The following RAB27A variants were observed in gnomAD, a reference collection of about 807,000 sequenced individuals.
RAB27A encodes the protein ras-related protein Rab-27A.
Under a neutral mutation model 20.8 loss-of-function variants are expected in RAB27A, and 17 were observed. The ratio of observed to expected loss-of-function variants is 0.82; its 90% CI spans 0.56 to 1.23. The LOEUF is 1.23. RAB27A is among the 50% of genes most tolerant of loss of function. The pLI is 0.00. For missense variants in RAB27A, 277 were observed against 266.7 expected, an observed-to-expected ratio of 1.04 and a Z score of -0.27; for synonymous variants, 85 against 92.8, an observed-to-expected ratio of 0.92 and a Z score of 0.48.
intron 2 of RAB27A, among the ~76,000 whole-genome samples, chr15:55,311,545 G>A (rs770667173): frequency 6.6e-6 from 1 of 152,090 alleles, no homozygotes; most frequent in Non-Finnish European, 1.5e-5. Flanking sequence ...GCTTCCCGTA[G>A]GGCATAAATC....
chr15:55,234,639 G>A, intron 3 of RAB27A, 143 bp downstream of exon 3: 1 of 882,596 alleles, frequency 1.1e-6, no homozygotes, highest in South Asian at 1.5e-5. Context: ...CATGTTGCCT[G>A]GATTGAACAT....
chr15:55,308,172 G>A (rs1429860533), intron 2 of RAB27A, among the ~76,000 whole-genome samples: 1 of 152,128 alleles, frequency 6.6e-6, no homozygotes, highest in Non-Finnish European at 1.5e-5. Context: ...CCTCTTGGCG[G>A]TTCCCTTCTA....
chr15:55,223,279 G>A (rs1895659106), intron 6 of RAB27A, among the ~76,000 whole-genome samples: 1 of 152,060 alleles, frequency 6.6e-6, no homozygotes, highest in Non-Finnish European at 1.5e-5. Flanking sequence ...GGCTGAGGCG[G>A]GTGGGTCACA....
chr15:55,239,768 A>G (rs1896407190), intron 2 of RAB27A, among the ~76,000 whole-genome samples: 1 of 152,198 alleles, frequency 6.6e-6, no homozygotes, highest in Non-Finnish European at 1.5e-5. Flanking sequence ...TCTGGGTTAA[A>G]AGAGACCAGA....
At chr15:55,291,250 C>G (rs1898297234), upstream of RAB27A, among the ~76,000 whole-genome samples, 1 of 152,144 alleles carries the variant, frequency 6.6e-6, no homozygotes, top group Non-Finnish European at 1.5e-5. Flanking sequence ...GTGGCTCACG[C>G]CTGTAATCCC....
At chr15:55,289,599 G>A (rs917622319) in intron 1 of RAB27A, 117 bp downstream of exon 1, 1 of 25,298 alleles carries the variant, frequency 4.0e-5, no homozygotes, top group Non-Finnish European at 6.7e-5. Context: ...TGGAGGCGGG[G>A]AGGAAGGGCG....
intron 6 of RAB27A, among the ~76,000 whole-genome samples, chr15:55,216,345 C>T (rs1237478153): frequency 2.0e-5 from 3 of 152,014 alleles, no homozygotes; most frequent in Non-Finnish European, 2.9e-5. Context: ...TCAGCCTGGC[C>T]AACATGGTGA....
chr15:55,217,843 G>GT lies in RAB27A; in HGVS notation c.467+6045dup, dbSNP rs532882074. Reference sequence around the variant, plus strand: ...CACTGCTCATCGTTATTACCAGTCTGTAAGTGGCCACTTAAAGGCCATTTG... The same window carrying GT: ...CACTGCTCATCGTTATTACCAGTCTGTTAAGTGGCCACTTAAAGGCCATTTG... On this transcript the variant is annotated intron_variant, in intron 6 of 6. Coordinates refer to ENST00000336787, the MANE Select transcript of RAB27A (RefSeq NM_183235.3). 2.3e-3 allele frequency among the ~76,000 whole-genome samples: 345 copies of GT among 152,088 alleles called. 2 individuals carry two copies. The highest frequency in any genetic ancestry group is 8.1e-3 in the African/African-American group (336 of 41,482).
intron 6 of RAB27A, 149 bp downstream of exon 6, chr15:55,223,740 A>G (rs1472017906): frequency 1.4e-5 from 13 of 905,736 alleles, no homozygotes; most frequent in Non-Finnish European, 2.3e-5. Context: ...CTACTATCAT[A>G]TCATATAAAA....
intron 1 of RAB27A, among the ~76,000 whole-genome samples, chr15:55,273,984 AACATACAGTAGGCC>A: frequency 6.6e-6 from 1 of 152,318 alleles, no homozygotes; most frequent in African/African-American, 2.4e-5. Context: ...TTCCGGATAG[AACATACAGTAGGCC>A]ACAAAACAAG....
intron 2 of RAB27A, among the ~76,000 whole-genome samples, chr15:55,310,826 T>C (rs2055017125): frequency 6.6e-6 from 1 of 152,158 alleles, no homozygotes; most frequent in South Asian, 2.1e-4. Flanking sequence ...CCTCTAAGAT[T>C]AGTTGGCCTT....
intron 2 of RAB27A, among the ~76,000 whole-genome samples, chr15:55,265,896 TAA>T (rs1897461287): frequency 6.6e-6 from 1 of 152,186 alleles, no homozygotes; most frequent in Admixed American, 6.5e-5. Context: ...GACATGGCAC[TAA>T]AAAGTTTGTG....
chr15:55,208,489 C>T (rs1461997586), intron 6 of RAB27A, among the ~76,000 whole-genome samples: 1 of 152,164 alleles, frequency 6.6e-6, no homozygotes, highest in African/African-American at 2.4e-5. Flanking sequence ...TCATATCATC[C>T]TTCTGTTCTG....
At chr15:55,222,435 T>A (rs1367733524) in intron 6 of RAB27A, among the ~76,000 whole-genome samples, 2 of 152,074 alleles carry the variant, frequency 1.3e-5, no homozygotes, top group African/African-American at 2.4e-5. Context: ...AATCTATCAA[T>A]CTCTAGTCTT....
At chr15:55,269,503 T>C (rs2077282207) in intron 2 of RAB27A, among the ~76,000 whole-genome samples, 2 of 152,182 alleles carry the variant, frequency 1.3e-5, no homozygotes, top group Admixed American at 6.5e-5. Context: ...TCCCAGCACT[T>C]TGGGAGGCCC....
At chr15:55,220,858 A>C (rs2140948928) in intron 6 of RAB27A, among the ~76,000 whole-genome samples, 1 of 152,290 alleles carries the variant, frequency 6.6e-6, no homozygotes, top group African/African-American at 2.4e-5. Flanking sequence ...TTTTCCTCTA[A>C]AAGTGCCAAA....
intron 1 of RAB27A, among the ~76,000 whole-genome samples, chr15:55,275,445 G>A (rs1298563320): frequency 6.6e-6 from 1 of 151,986 alleles, no homozygotes; most frequent in Middle Eastern, 3.2e-3. Context: ...TGACCAACAT[G>A]GCAAAACCCC....
At chr15:55,265,452 G>A (rs1379230736) in intron 2 of RAB27A, among the ~76,000 whole-genome samples, 1 of 152,162 alleles carries the variant, frequency 6.6e-6, no homozygotes, top group Admixed American at 6.5e-5. Context: ...AGTGACAGAT[G>A]TGAATGGACA....
rs60106785 is a variant in RAB27A, at chr15:55,275,918, T to TAAAAAAA, written c.-142-5641_-142-5635dup. 1.7e-3 allele frequency among the ~76,000 whole-genome samples: 180 copies of TAAAAAAA among 104,088 alleles called. 4 individuals carry two copies. The highest frequency in any genetic ancestry group is 2.1e-3 in the Non-Finnish European group (113 of 54,880). The allele number at this position is 104,088 out of a possible 152,430, so 68.3% of individuals were successfully genotyped here. ...CCTCACATCTGCTAGGATGGCTAAT[T>TAAAAAAA]AAAAAAAAAAAAAAAAAAAAAACAA... On this transcript the variant is annotated intron_variant, in intron 1 of 6. Transcript: ENST00000336787.
Sources: gnomAD v4.1 joint callset for allele counts (sites outside exome capture counted in the v4.1 genomes callset) on GRCh38, gnomAD v4.1.1 for gene constraint, MANE v1.5 for transcripts, NCBI Gene and HGNC (gene_info 2026-07-23, HGNC 2026-07-21) for gene names.